MGAT4C: variants seen among roughly 807,000 people sequenced by gnomAD.
The protein encoded by MGAT4C is MGAT4 family member C.
Under a neutral mutation model 40.1 loss-of-function variants are expected in MGAT4C, and 19 were observed. The observed-to-expected ratio is 0.47, with a 90% CI of 0.33 to 0.70. The LOEUF is 0.70. MGAT4C is among the 30% of genes least tolerant of loss of function. The probability of loss-of-function intolerance (pLI) is 0.02; values close to 1 mark genes in which losing one functional copy is unlikely to be tolerated. For synonymous variants in MGAT4C, 181 were observed against 187.1 expected (o/e 0.97, Z 0.27); for missense variants, 491 against 563.2 (o/e 0.87, Z 1.30).
At chr12:86,243,843 C>A (rs1951901043) in intron 1 of MGAT4C, among the ~76,000 whole-genome samples, 2 of 152,122 alleles carry the variant, frequency 1.3e-5, no homozygotes. Flanking sequence ...ATCACTGGCC[C>A]AATGAAACTG....
At chr12:86,049,581 C>A (rs1444533686) in intron 2 of MGAT4C, 93 bp downstream of exon 2, 5 of 584,276 alleles carry the variant, frequency 8.6e-6, no homozygotes, top group African/African-American at 2.0e-5. Context: ...TGTGTAGCTA[C>A]TCCAGGACAA....
chr12:86,796,353 C>T (rs1952119223), intron 1 of MGAT4C, among the ~76,000 whole-genome samples: 1 of 151,776 alleles, frequency 6.6e-6, no homozygotes, highest in Admixed American at 6.6e-5. Flanking sequence ...TACAACATGC[C>T]CTTGCAGTGT....
chr12:86,610,997 G>A (rs1210092292), intron 2 of MGAT4C, among the ~76,000 whole-genome samples: 3 of 151,718 alleles, frequency 2.0e-5, no homozygotes, highest in Admixed American at 6.6e-5. Context: ...GGCTGACTCT[G>A]GTAAGTTCTC....
intron 3 of MGAT4C, among the ~76,000 whole-genome samples, chr12:86,346,994 C>T (rs564297737): frequency 1.3e-5 from 2 of 152,264 alleles, no homozygotes; most frequent in Non-Finnish European, 2.9e-5. Flanking sequence ...TGGACTTACA[C>T]CAGTGGTTTG....
chr12:86,255,868 C>T (rs192592571), intron 1 of MGAT4C, among the ~76,000 whole-genome samples: 39 of 152,146 alleles, frequency 2.6e-4, no homozygotes, highest in African/African-American at 9.4e-4. Flanking sequence ...CTTGGTTGAC[C>T]ATTTCTACCA....
chr12:86,235,918 C>T (rs1951519382), intron 1 of MGAT4C, among the ~76,000 whole-genome samples: 1 of 151,980 alleles, frequency 6.6e-6, no homozygotes, highest in East Asian at 1.9e-4. Context: ...CCACTACTAC[C>T]AACTACTCCA....
At chr12:86,470,086 G>A (rs1957737273) in intron 2 of MGAT4C, among the ~76,000 whole-genome samples, 1 of 151,974 alleles carries the variant, frequency 6.6e-6, no homozygotes, top group Non-Finnish European at 1.5e-5. Flanking sequence ...TGGAATTTGA[G>A]TTTTTTAATA....
chr12:86,430,644 G>A (rs1445632052), intron 3 of MGAT4C, among the ~76,000 whole-genome samples: 1 of 152,100 alleles, frequency 6.6e-6, no homozygotes, highest in Non-Finnish European at 1.5e-5. Context: ...TGTGTACTCT[G>A]GTCAGCCAAT....
chr12:85,995,652 G>A (rs570045551), intron 2 of MGAT4C, among the ~76,000 whole-genome samples: 2 of 152,212 alleles, frequency 1.3e-5, no homozygotes, highest in South Asian at 4.1e-4. Flanking sequence ...AGGAGAGCTT[G>A]AGCCCAGGAC....
chr12:86,247,344 T>A (rs1952079472), intron 1 of MGAT4C, among the ~76,000 whole-genome samples: 1 of 152,174 alleles, frequency 6.6e-6, no homozygotes, highest in Non-Finnish European at 1.5e-5. Flanking sequence ...AATCTTCTGT[T>A]TACTCACACC....
chr12:86,701,642 A>G (rs1950366715), intron 2 of MGAT4C, among the ~76,000 whole-genome samples: 1 of 152,134 alleles, frequency 6.6e-6, no homozygotes. Flanking sequence ...GGTTGAAGTA[A>G]AAGAAAGATT....
chr12:86,806,301 G>A (rs1702466168), intron 1 of MGAT4C, among the ~76,000 whole-genome samples: 1 of 151,858 alleles, frequency 6.6e-6, no homozygotes, highest in African/African-American at 2.4e-5. Context: ...ATAGAGAGAA[G>A]ACCTGTGTAC....
chr12:86,547,457 C>T (rs992703634), intron 2 of MGAT4C, among the ~76,000 whole-genome samples: 1 of 152,064 alleles, frequency 6.6e-6, no homozygotes, highest in Admixed American at 6.6e-5. Context: ...TGTAGACAGG[C>T]ATTTTTGACT....
chr12:86,017,089 A>T (rs1490676333), intron 2 of MGAT4C, among the ~76,000 whole-genome samples: 1 of 151,956 alleles, frequency 6.6e-6, no homozygotes, highest in African/African-American at 2.4e-5. Context: ...TGTATGTTTT[A>T]TTTCACCTTG....
intron 1 of MGAT4C, among the ~76,000 whole-genome samples, chr12:86,191,119 ACAC>A (rs1889381222): frequency 7.2e-6 from 1 of 139,754 alleles, no homozygotes; most frequent in East Asian, 2.0e-4. Flanking sequence ...ACACACACAC[ACAC>A]ACACACACAC....
intron 1 of MGAT4C, among the ~76,000 whole-genome samples, chr12:86,831,017 T>A (rs1244352850): frequency 2.0e-5 from 3 of 151,816 alleles, no homozygotes; most frequent in Non-Finnish European, 4.4e-5. Context: ...ATAACTCAAA[T>A]GCTCAGAAAG....
At chr12:86,755,394 T>A (rs1187490791) in intron 1 of MGAT4C, among the ~76,000 whole-genome samples, 1 of 152,146 alleles carries the variant, frequency 6.6e-6, no homozygotes, top group Non-Finnish European at 1.5e-5. Flanking sequence ...TTCTGGAGAA[T>A]TCTGACTGAT....
chr12:86,508,885 C>T (rs11836782), intron 2 of MGAT4C, among the ~76,000 whole-genome samples: 9,502 of 149,190 alleles, frequency 0.064, 687 homozygotes, highest in East Asian at 0.23. Context: ...TCATGTCCTT[C>T]GCCCACTTTT....
intron 1 of MGAT4C, among the ~76,000 whole-genome samples, chr12:86,223,308 G>A (rs2135992603): frequency 6.6e-6 from 1 of 152,312 alleles, no homozygotes; most frequent in East Asian, 1.9e-4. Context: ...CAAGTCCACA[G>A]GCAGCTCCAT....
Sources: gnomAD v4.1 joint callset for allele counts (sites outside exome capture counted in the v4.1 genomes callset) on GRCh38, gnomAD v4.1.1 for gene constraint, MANE v1.5 for transcripts, NCBI Gene and HGNC (gene_info 2026-07-23, HGNC 2026-07-21) for gene names.